The following POLR1C variants were observed in gnomAD, a reference collection of about 807,000 sequenced individuals.
POLR1C encodes DNA-directed RNA polymerases I and III subunit RPAC1.
Under a neutral mutation model 38.3 loss-of-function variants are expected in POLR1C, and 42 were observed. That is an observed-to-expected ratio of 1.10 (90% CI 0.86 to 1.42). The LOEUF is 1.42. Among genes scored for constraint, POLR1C ranks in the 40% most tolerant of loss-of-function variants. POLR1C has a pLI of 0.00. For synonymous variants in POLR1C, 163 were observed against 163.9 expected, an observed-to-expected ratio of 0.99 and a Z score of 0.04; for missense variants, 507 against 450.5, an observed-to-expected ratio of 1.13 and a Z score of -1.14.
At chr6:43,536,523 C>T (rs1025178789) in intron 9 of POLR1C, among the ~76,000 whole-genome samples, 1 of 151,392 alleles carries the variant, frequency 6.6e-6, no homozygotes. Context: ...CTTTAGGAAG[C>T]CGAGGTGGGT....
rs573056873 is a variant in POLR1C at position 43,556,547 on chromosome 6, T to A, written c.*49-4853T>A. ...TCAAAAAAAAAAAAAAAAAAATTTT[T>A]AAAAAGTAAATCAGGTTGGTGGTAA... On this transcript the variant is annotated intron_variant, in intron 10 of 10. Transcript: ENST00000607635. Among the ~76,000 whole-genome samples, 67 of 151,538 alleles carry A rather than the reference T, an allele frequency of 4.4e-4. No individual in the cohort carries two copies. The East Asian group carries it at 0.01, about 23-fold the overall frequency.
At chr6:43,517,874 A>G (rs1561856241) in intron 2 of POLR1C, among the ~76,000 whole-genome samples, 1 of 152,188 alleles carries the variant, frequency 6.6e-6, no homozygotes, top group African/African-American at 2.4e-5. Flanking sequence ...TTAAAATTGC[A>G]TTTAAATAGA....
chr6:43,527,466 G>A, intron 8 of POLR1C: 1 of 622,794 alleles, frequency 1.6e-6, no homozygotes, highest in South Asian at 2.0e-5. Context: ...TAGAGACAGG[G>A]TTTCACCATG....
At position 43,517,142 on chromosome 6, in the gene POLR1C, G is replaced by A. The variant is rs773817948; in HGVS notation, c.33G>A (p.Arg11=). 3.7e-6 allele frequency: 6 copies of A among 1,614,044 alleles called. No homozygotes were observed. In the East Asian group the frequency reaches 6.7e-5, roughly 18 times the overall value. ...CTTCTCAGGCGGTGGAGGAAATGCGGAGCCGCGTGGTTCTGGGGGAGTTTG... is the reference window on the plus strand; with the variant it reads ...CTTCTCAGGCGGTGGAGGAAATGCGAAGCCGCGTGGTTCTGGGGGAGTTTG... MAASQAVEEM[R]SRVVLGEFGV... is the part of the protein sequence containing the mutation. The change falls in exon 1 of 9, where the codon CGG becomes CGA. Residue 11 remains arginine (R), a synonymous_variant. Coordinates refer to ENST00000642195, the MANE Select transcript of POLR1C (RefSeq NM_203290.4).
intron 10 of POLR1C, chr6:43,553,823 T>G: frequency 5.1e-6 from 1 of 197,576 alleles, no homozygotes; most frequent in Non-Finnish European, 9.9e-6. Flanking sequence ...ATCAAAAACA[T>G]TGCCTGGCCC....
At position 43,553,255 on chromosome 6, in the gene POLR1C, T is replaced by C. The variant is rs6458341; in HGVS notation, c.*48+2244T>C. On this transcript the variant is annotated intron_variant, in intron 10 of 10. Transcript: ENST00000607635. ...AGTTGGAGGTTACAGAGAGCTATGA[T>C]TGTGCCACTGCATTTCAGCCTGAGC... The C allele has an allele frequency of 2.0e-3, 2,596 of 1,296,134 alleles. 36 individuals carry two copies. The African/African-American group carries it at 0.034, about 17-fold the overall frequency. The allele number at this position is 1,296,134 out of a possible 1,614,324, so 80.3% of individuals were successfully genotyped here.
Position 43,520,292 on chromosome 6 carries a change from ACATGGATC to A in POLR1C, c.522_529del (p.Trp175ProfsTer6), listed in dbSNP as rs770633429. ...TCCTCCAGTGTATACCAGGCATATG[ACATGGATC>A]CCCCTGGGGAACCAGGCTGATCTCT... On this transcript the variant is annotated frameshift_variant, in exon 6 of 9. Transcript: ENST00000642195. LOFTEE classifies it high-confidence loss of function. 6.2e-7 allele frequency: 1 copy of A among 1,613,044 alleles called. No homozygotes were observed. Among genetic ancestry groups the A allele is most frequent in the Non-Finnish European group, 8.5e-7 (1 of 1,180,040 alleles).
In POLR1C at chr6:43,521,209, C is replaced by T. The variant is rs1446618153; in HGVS notation, c.950C>T (p.Pro317Leu). ...IFSVESTGVL[P>L]PDVLVSEAIK... ...TCTGTTGAGTCAACGGGGGTGTTGC[C>T]ACCAGATGTGCTGGTGAGTGAAGCC... is the stretch of plus-strand genomic sequence containing the variant. The change falls in exon 9 of 9, where the codon CCA (proline) becomes CTA (leucine). Residue 317 changes from proline (P) to leucine (L), a missense_variant. By Grantham distance (98) the Pro-to-Leu change is moderately conservative. Transcript: ENST00000642195. 1.2e-6 allele frequency: 2 copies of T among 1,613,888 alleles called. No individual in the cohort carries two copies. Among genetic ancestry groups the T allele is most frequent in the East Asian group, 2.2e-5 (1 of 44,884 alleles).
chr6:43,523,014 T>C (rs546199293), downstream of POLR1C: 2 of 163,976 alleles, frequency 1.2e-5, no homozygotes, highest in South Asian at 3.0e-4. Context: ...CCAGCGGCTT[T>C]GCTAGCTGCT....
intron 10 of POLR1C, chr6:43,558,676 A>C (rs1270486218): frequency 8.8e-6 from 9 of 1,026,802 alleles, no homozygotes; most frequent in Non-Finnish European, 1.1e-5. Flanking sequence ...AAGCACTTTT[A>C]ATTTATTTAA....
chr6:43,560,082 G>C (rs1762335230), intron 10 of POLR1C: 3 of 1,438,228 alleles, frequency 2.1e-6, no homozygotes, highest in African/African-American at 2.8e-5. Context: ...GCCTTCCATA[G>C]AGCTGGGATT....
rs9472069 is a variant in POLR1C, at chr6:43,519,625, A to C, written c.250-81A>C. ...ATTCTAGGAAGAGAGATAGCTCCCT[A>C]CCTCTGGAGGTTGGGGTTACGGGGA... On this transcript the variant is annotated intron_variant, in intron 3 of 8. Transcript: ENST00000642195. The C allele has an allele frequency of 0.049, 77,344 of 1,580,026 alleles. 4,936 individuals carry two copies. Among genetic ancestry groups the C allele is most frequent in the African/African-American group, 0.31 (23,054 of 74,144 alleles).
At chr6:43,523,805 T>A, downstream of POLR1C, 1 of 1,613,162 alleles carries the variant, frequency 6.2e-7, no homozygotes, top group South Asian at 1.1e-5. Context: ...GGCCTAGAGA[T>A]CGGCTACAAA....
downstream of POLR1C, chr6:43,524,660 C>G (rs777346837): frequency 6.2e-7 from 1 of 1,609,598 alleles, no homozygotes; most frequent in African/African-American, 1.3e-5. Flanking sequence ...GATAAACTTA[C>G]TGGATGTAGG....
chr6:43,557,884 T>G (rs1392009775), intron 10 of POLR1C, among the ~76,000 whole-genome samples: 1 of 147,452 alleles, frequency 6.8e-6, no homozygotes, highest in Non-Finnish European at 1.5e-5. Flanking sequence ...TGACCTGAGG[T>G]CGGGAGTTCG....
chr6:43,530,199 G>T (rs1793876929), downstream of POLR1C, among the ~76,000 whole-genome samples: 1 of 152,132 alleles, frequency 6.6e-6, no homozygotes, highest in African/African-American at 2.4e-5. Context: ...GGAAGTTGCA[G>T]TAAGACAAGA....
downstream of POLR1C, chr6:43,534,024 T>C: frequency 6.3e-7 from 1 of 1,580,162 alleles, no homozygotes. Context: ...GAAACAAGAA[T>C]GCTATTGAGC....
chr6:43,522,598 AC>A (rs1793259137), downstream of POLR1C: 2 of 369,610 alleles, frequency 5.4e-6, no homozygotes, highest in African/African-American at 4.2e-5. Context: ...AGGGAGCAAC[AC>A]AAGACTCCCA....
chr6:43,557,658 A>G (rs1215224297), intron 10 of POLR1C, among the ~76,000 whole-genome samples: 1 of 151,978 alleles, frequency 6.6e-6, no homozygotes. Flanking sequence ...TGGGGTGATG[A>G]AAATATAATC....
Sources: gnomAD v4.1 joint callset for allele counts (sites outside exome capture counted in the v4.1 genomes callset) on GRCh38, gnomAD v4.1.1 for gene constraint, MANE v1.5 for transcripts, NCBI Gene and HGNC (gene_info 2026-07-23, HGNC 2026-07-21) for gene names.